ABCA9: variants seen among roughly 807,000 people sequenced by gnomAD.
ABCA9 encodes the protein ATP binding cassette subfamily A member 9.
In ABCA9, 183 loss-of-function variants were observed where a neutral mutation model predicts 205.3. The observed-to-expected ratio is 0.89, with a 90% CI of 0.79 to 1.01. ABCA9 has a LOEUF of 1.01. Ranked by LOEUF, ABCA9 falls within the 50% of genes least tolerant of loss-of-function variation. The probability of loss-of-function intolerance (pLI) is 0.00; values close to 1 mark genes in which losing one functional copy is unlikely to be tolerated. For synonymous variants in ABCA9, 651 were observed against 683.3 expected, an observed-to-expected ratio of 0.95 and a Z score of 0.74; for missense variants, 1,805 against 1,912.4, an observed-to-expected ratio of 0.94 and a Z score of 1.05.
chr17:69,027,594 A>G, intron 13 of ABCA9, 46 bp downstream of exon 13: 1 of 1,590,422 alleles, frequency 6.3e-7, no homozygotes, highest in Non-Finnish European at 8.5e-7. Flanking sequence ...TTCTAGATAA[A>G]CCGTCTCTTT....
At chr17:69,045,427 C>G in intron 3 of ABCA9, 91 bp from the exon 4 acceptor site, 1 of 1,131,758 alleles carries the variant, frequency 8.8e-7, no homozygotes, top group South Asian at 2.4e-5. Flanking sequence ...TATGTTAAAG[C>G]TATTCCTTCC....
intron 21 of ABCA9, 131 bp downstream of exon 21, chr17:69,017,522 GCTT>G (rs934199122): frequency 3.2e-6 from 3 of 947,728 alleles, no homozygotes; most frequent in Non-Finnish European, 4.7e-6. Context: ...TTGTAGTCCA[GCTT>G]CTTCTATAAA....
At position 69,020,415 on chromosome 17, in the gene ABCA9, T is replaced by C; in HGVS notation, c.2573A>G (p.Lys858Arg). ...AGTCCACAGGCTTTTTCTTTCTTTC[T>C]TTAACTTTAGGAAGCGAACTTTTGC... Reference protein sequence around the residue: ...AIAKVRFLKLKKERKSLWTIL... With the variant: ...AIAKVRFLKLRKERKSLWTIL... Residue 858 changes from lysine to arginine, a missense_variant, in exon 19 of 39, where the codon AAG (lysine) becomes AGG (arginine). Transcript: ENST00000340001. 1 of 1,613,854 alleles carries C rather than the reference T, an allele frequency of 6.2e-7. No individual in the cohort carries two copies. Among genetic ancestry groups the C allele is most frequent in the Non-Finnish European group, 8.5e-7 (1 of 1,179,862 alleles).
intron 22 of ABCA9, 139 bp downstream of exon 22, chr17:69,016,114 A>AT (rs1273752910): frequency 7.2e-6 from 2 of 279,194 alleles, no homozygotes; most frequent in Non-Finnish European, 6.4e-6. Context: ...ATATATATAT[A>AT]TATATATATA....
At chr17:69,013,265 A>ACCTTAATTTGATCTAT (rs2070451161) in intron 22 of ABCA9, among the ~76,000 whole-genome samples, 1 of 152,080 alleles carries the variant, frequency 6.6e-6, no homozygotes, top group Non-Finnish European at 1.5e-5. Flanking sequence ...GGTAGTACAA[A>ACCTTAATTTGATCTAT]CCTTAATTTG....
intron 25 of ABCA9, among the ~76,000 whole-genome samples, chr17:68,997,586 T>A (rs960285884): frequency 8.3e-6 from 1 of 120,092 alleles, no homozygotes; most frequent in African/African-American, 4.1e-5. Context: ...TTCCTGGGTA[T>A]TTTTTTTCTT....
At chr17:69,016,594 A>AACATC (rs1450707931) in intron 21 of ABCA9, among the ~76,000 whole-genome samples, 1 of 152,096 alleles carries the variant, frequency 6.6e-6, no homozygotes, top group East Asian at 1.9e-4. Context: ...TACCCACCAT[A>AACATC]ACATCAACCA....
intron 36 of ABCA9, 85 bp from the exon 37 acceptor site, chr17:68,982,726 T>A: frequency 9.0e-7 from 1 of 1,106,358 alleles, no homozygotes; most frequent in Non-Finnish European, 1.4e-6. Flanking sequence ...GAAACAAGGC[T>A]AGGCATGGTG....
chr17:69,003,612 C>T (rs899464341), intron 25 of ABCA9, among the ~76,000 whole-genome samples: 9 of 145,684 alleles, frequency 6.2e-5, no homozygotes, highest in South Asian at 4.6e-4. Context: ...TTGCTCTTCT[C>T]GAGGAGTATC....
chr17:68,984,991 G>A lies in ABCA9; in HGVS notation c.4285-12C>T, dbSNP rs1391493514. 6.2e-7 allele frequency: 1 copy of A among 1,614,208 alleles called. No individual in the cohort carries two copies. Among genetic ancestry groups the A allele is most frequent in the Admixed American group, 1.7e-5 (1 of 60,020 alleles). On this transcript the variant is annotated splice_polypyrimidine_tract_variant and intron_variant, in intron 33 of 38. Transcript: ENST00000340001. ...AGCACAAAGCACAGCTGCAACGGGA[G>A]GAACAGCCCCTCTGGTTCCCATCTA...
intron 18 of ABCA9, 73 bp downstream of exon 18, chr17:69,021,669 C>T: frequency 1.0e-6 from 1 of 990,252 alleles, no homozygotes; most frequent in Admixed American, 2.4e-5. Context: ...AAGATAAAAT[C>T]TTTCTTTCGT....
At chr17:69,006,348 G>A (rs546216933) in intron 25 of ABCA9, among the ~76,000 whole-genome samples, 1 of 152,286 alleles carries the variant, frequency 6.6e-6, no homozygotes, top group East Asian at 1.9e-4. Flanking sequence ...GAAAGTTCAT[G>A]GCAGTGTTAT....
chr17:68,983,206 A>T (rs1598328702), intron 36 of ABCA9, among the ~76,000 whole-genome samples: 1 of 152,186 alleles, frequency 6.6e-6, no homozygotes, highest in East Asian at 1.9e-4. Context: ...GAAGAAGCAG[A>T]ACTTCTTATC....
intron 6 of ABCA9, among the ~76,000 whole-genome samples, chr17:69,037,776 G>C (rs2071397103): frequency 6.6e-6 from 1 of 151,900 alleles, no homozygotes; most frequent in African/African-American, 2.4e-5. Context: ...AATGAATCCA[G>C]GAGCTGTTTT....
chr17:69,010,156 T>C (rs2144197488), intron 23 of ABCA9, among the ~76,000 whole-genome samples: 1 of 146,592 alleles, frequency 6.8e-6, no homozygotes, highest in East Asian at 2.0e-4. Context: ...TTATTCCTAG[T>C]TGACAGGAGA....
intron 3 of ABCA9, 134 bp downstream of exon 3, chr17:69,049,149 G>C: frequency 1.0e-6 from 1 of 998,422 alleles, no homozygotes. Flanking sequence ...TTTGAGACTT[G>C]GAAGGAATAT....
At chr17:69,020,651 T>C in intron 18 of ABCA9, 65 bp from the exon 19 acceptor site, 1 of 1,481,042 alleles carries the variant, frequency 6.8e-7, no homozygotes, top group Non-Finnish European at 9.3e-7. Flanking sequence ...GCTTTTCCTA[T>C]GATAAATTTT....
Position 68,982,594 on chromosome 17 carries a change from G to A in ABCA9, c.4688C>T (p.Pro1563Leu). The change falls in exon 37 of 39, where the codon CCT becomes CTT. Residue 1563 changes from proline (P) to leucine (L), a missense_variant. Pro to Leu is a moderately conservative substitution (Grantham distance 98, BLOSUM62 -3). Coordinates refer to ENST00000340001, the MANE Select transcript of ABCA9 (RefSeq NM_080283.4). ...TAATTTGAAGAAAGCCTGTGATAAAGGTCGCACATCCTCAACAGGCAACTT... is the reference window on the plus strand; with the variant it reads ...TAATTTGAAGAAAGCCTGTGATAAAAGTCGCACATCCTCAACAGGCAACTT... The part of the protein sequence containing the change: ...VYKLPVEDVR[P>L]LSQAFFKLEI... The A allele has an allele frequency of 2.5e-6, 4 of 1,614,052 alleles. No homozygotes were observed. Among genetic ancestry groups the A allele is most frequent in the South Asian group, 1.1e-5 (1 of 91,072 alleles).
At chr17:69,050,551 C>T (rs2071871333) in intron 2 of ABCA9, among the ~76,000 whole-genome samples, 1 of 152,010 alleles carries the variant, frequency 6.6e-6, no homozygotes, top group African/African-American at 2.4e-5. Context: ...ACTATTTTCC[C>T]ATTTATTTAC....
Sources: gnomAD v4.1 joint callset for allele counts (sites outside exome capture counted in the v4.1 genomes callset) on GRCh38, gnomAD v4.1.1 for gene constraint, MANE v1.5 for transcripts, NCBI Gene and HGNC (gene_info 2026-07-23, HGNC 2026-07-21) for gene names.